The following MSH4 variants were observed in gnomAD, a reference collection of about 807,000 sequenced individuals.
MSH4 encodes mutS protein homolog 4.
Under a neutral mutation model 113.7 loss-of-function variants are expected in MSH4, and 106 were observed. That is an observed-to-expected ratio of 0.93 (90% CI 0.80 to 1.10). The LOEUF is 1.10. Ranked by LOEUF, MSH4 falls within the 50% of genes least tolerant of loss-of-function variation. MSH4 has a pLI of 0.00. For synonymous variants in MSH4, 368 were observed against 380.2 expected, an observed-to-expected ratio of 0.97 and a Z score of 0.37; for missense variants, 1,061 against 1,093.7, an observed-to-expected ratio of 0.97 and a Z score of 0.42.
chr1:75,864,314 C>A (rs745564767), intron 8 of MSH4, among the ~76,000 whole-genome samples: 2 of 152,132 alleles, frequency 1.3e-5, no homozygotes, highest in Non-Finnish European at 2.9e-5. Context: ...AGAAATAATA[C>A]TGCTAAACAA....
rs1651116575 is a variant in MSH4, at chr1:75,848,235, C to T, written c.1189C>T (p.Gln397Ter). Reference protein sequence around the residue: ...SVISRFLDTEQLLSVLVQIPK... With the variant: ...SVISRFLDTE ...TATATCAAGATTTCTTGATACAGAG[C>T]AGCTTCTTTCTGTTTTAGTCCAAAT... The change falls in exon 8 of 20, where the codon CAG (glutamine) becomes TAG (stop). Residue 397 changes from glutamine to a stop codon, truncating the protein, a stop_gained. Transcript: ENST00000263187. LOFTEE classifies it high-confidence loss of function. The T allele has an allele frequency of 1.2e-6, 2 of 1,608,706 alleles. No individual in the cohort carries two copies. The highest frequency in any genetic ancestry group is 8.5e-7 in the Non-Finnish European group (1 of 1,176,168).
chr1:75,813,271 G>C (rs1650226584), intron 4 of MSH4, among the ~76,000 whole-genome samples: 1 of 152,130 alleles, frequency 6.6e-6, no homozygotes, highest in Non-Finnish European at 1.5e-5. Flanking sequence ...TAATCCTTTT[G>C]CTGTGAGACA....
chr1:75,850,728 T>C (rs373714936), intron 8 of MSH4, among the ~76,000 whole-genome samples: 44 of 152,130 alleles, frequency 2.9e-4, no homozygotes, highest in African/African-American at 1.0e-3. Flanking sequence ...TTTTTTTGTT[T>C]TGTTTTGTTT....
chr1:75,904,051 T>C (rs1652566822), intron 19 of MSH4, among the ~76,000 whole-genome samples: 1 of 152,194 alleles, frequency 6.6e-6, no homozygotes, highest in African/African-American at 2.4e-5. Context: ...CTACACCCAG[T>C]TTGTTGAGAC....
intron 15 of MSH4, among the ~76,000 whole-genome samples, chr1:75,888,887 G>A (rs1652188080): frequency 6.6e-6 from 1 of 150,596 alleles, no homozygotes; most frequent in African/African-American, 2.4e-5. Context: ...ACAGTAGGTA[G>A]GGCAACTTTT....
chr1:75,816,260 T>C (rs1650289590), intron 5 of MSH4, 113 bp from the exon 6 acceptor site: 4 of 620,194 alleles, frequency 6.4e-6, no homozygotes, highest in Non-Finnish European at 9.8e-6. Flanking sequence ...TGGTGTACCT[T>C]TTCCTTTTGA....
intron 7 of MSH4, among the ~76,000 whole-genome samples, chr1:75,846,100 TCCAAGGTGC>T (rs1651069446): frequency 5.0e-5 from 5 of 100,032 alleles, no homozygotes; most frequent in Middle Eastern, 4.3e-3. Context: ...GAAGCAGAGT[TCCAAGGTGC>T]TGCAGGGCAG....
intron 7 of MSH4, among the ~76,000 whole-genome samples, chr1:75,823,057 C>T (rs139277515): frequency 6.0e-4 from 91 of 152,246 alleles, no homozygotes; most frequent in African/African-American, 2.1e-3. Context: ...GCCATGCTCC[C>T]TCTGAAACCT....
intron 7 of MSH4, among the ~76,000 whole-genome samples, chr1:75,840,383 A>G (rs1263488839): frequency 6.8e-6 from 1 of 147,590 alleles, no homozygotes; most frequent in African/African-American, 2.5e-5. Context: ...CATGGATGAA[A>G]TTGGAAATCA....
intron 14 of MSH4, among the ~76,000 whole-genome samples, chr1:75,881,916 T>A (rs1233325132): frequency 1.3e-5 from 2 of 152,058 alleles, no homozygotes; most frequent in Non-Finnish European, 2.9e-5. Context: ...TTATCTAACT[T>A]ACCAGTAATA....
chr1:75,834,166 G>T (rs549426426), intron 7 of MSH4, among the ~76,000 whole-genome samples: 2 of 152,124 alleles, frequency 1.3e-5, no homozygotes, highest in Non-Finnish European at 2.9e-5. Context: ...GCATCCAACA[G>T]ACACATGAAA....
At chr1:75,836,916 A>G (rs761202480) in intron 7 of MSH4, among the ~76,000 whole-genome samples, 109 of 152,290 alleles carry the variant, frequency 7.2e-4, no homozygotes, top group Non-Finnish European at 1.2e-3. Flanking sequence ...TATTATTCAC[A>G]TATTCATGAC....
intron 1 of MSH4, among the ~76,000 whole-genome samples, chr1:75,799,774 C>T (rs911805577): frequency 6.6e-6 from 1 of 152,084 alleles, no homozygotes; most frequent in Admixed American, 6.5e-5. Context: ...AACACCAGGT[C>T]TCTGGTTTTG....
At chr1:75,887,365 A>T (rs1320978156) in intron 15 of MSH4, among the ~76,000 whole-genome samples, 3 of 152,070 alleles carry the variant, frequency 2.0e-5, no homozygotes, top group African/African-American at 4.8e-5. Context: ...CTCCCCAGCC[A>T]TGCAGAATTG....
rs1241302028 is a variant in MSH4, at chr1:75,854,026, T to TATATATATATATATATA, written c.1230+5752_1230+5753insATATATATATATATAAT. On this transcript the variant is annotated intron_variant, in intron 8 of 19. Coordinates refer to ENST00000263187, the MANE Select transcript of MSH4 (RefSeq NM_002440.4). The stretch of plus-strand genomic sequence containing the variant: ...AAGTGTGTGTGTGTATATATATATA[T>TATATATATATATATATA]ATGCATAAATATATAGATATTGACC... Among the ~76,000 whole-genome samples the TATATATATATATATATA allele has an allele frequency of 4.1e-5, 6 of 145,488 alleles. 1 individual carries two copies. The highest frequency in any genetic ancestry group is 1.5e-4 in the African/African-American group (6 of 40,584).
chr1:75,853,764 T>A (rs1468337538), intron 8 of MSH4, among the ~76,000 whole-genome samples: 4 of 152,050 alleles, frequency 2.6e-5, no homozygotes, highest in African/African-American at 9.7e-5. Context: ...TCTAATTTGC[T>A]TCTATGCTCT....
intron 7 of MSH4, among the ~76,000 whole-genome samples, chr1:75,843,164 A>G (rs1650999687): frequency 6.6e-6 from 1 of 152,094 alleles, no homozygotes; most frequent in Non-Finnish European, 1.5e-5. Flanking sequence ...CTTACCTATC[A>G]TTGGAGATGA....
intron 8 of MSH4, among the ~76,000 whole-genome samples, chr1:75,863,517 G>C (rs1030489201): frequency 2.0e-5 from 3 of 151,790 alleles, no homozygotes; most frequent in Non-Finnish European, 2.9e-5. Context: ...TCTCTGTAAA[G>C]CAATATTTTT....
intron 7 of MSH4, among the ~76,000 whole-genome samples, chr1:75,824,904 G>GTTTTTTTTTTTTTTTTTTTTT (rs71588855): frequency 8.3e-6 from 1 of 120,256 alleles, no homozygotes; most frequent in African/African-American, 3.1e-5. Context: ...CTTCAGCTTT[G>GTTTTTTTTTTTTTTTTTTTTT]TTTTTTTTTT....
Sources: allele counts gnomAD v4.1 joint callset (sites outside exome capture counted in the v4.1 genomes callset), GRCh38; gene constraint gnomAD v4.1.1; transcripts MANE v1.5; gene names NCBI Gene and HGNC (gene_info 2026-07-23, HGNC 2026-07-21).